Variants in RARB observed in about 807,000 individuals in gnomAD.
RARB encodes the protein retinoic acid receptor beta, also known as HBV-activated protein.
RARB carries 17 observed loss-of-function variants against 51.9 expected under a neutral mutation model. That is an observed-to-expected ratio of 0.33 (90% CI 0.22 to 0.49). The LOEUF (loss-of-function observed/expected upper bound fraction) is 0.49, where lower values mean the gene tolerates loss of function less well. Ranked by LOEUF, RARB falls within the 20% of genes least tolerant of loss-of-function variation. The pLI is 0.99. For synonymous variants in RARB, 215 were observed against 195.4 expected, an observed-to-expected ratio of 1.10 and a Z score of -0.84; for missense variants, 369 against 550.8, an observed-to-expected ratio of 0.67 and a Z score of 3.30.
intron 2 of RARB, among the ~76,000 whole-genome samples, chr3:24,941,719 C>T (rs1013838331): frequency 3.3e-5 from 5 of 152,182 alleles, no homozygotes; most frequent in African/African-American, 1.2e-4. Context: ...AAATTCACTA[C>T]ATTATCTTTG....
At chr3:25,430,818 T>G (rs1010636994) in intron 1 of RARB, among the ~76,000 whole-genome samples, 12 of 152,194 alleles carry the variant, frequency 7.9e-5, no homozygotes, top group Non-Finnish European at 1.8e-4. Flanking sequence ...TAGTTCTTAT[T>G]GTGGTCAGTT....
At chr3:25,271,601 T>G (rs549211094) in intron 5 of RARB, among the ~76,000 whole-genome samples, 1 of 152,322 alleles carries the variant, frequency 6.6e-6, no homozygotes, top group East Asian at 1.9e-4. Context: ...AGTTCCGTCT[T>G]TCCTGCAACA....
At chr3:25,092,541 C>T (rs1345826096) in intron 3 of RARB, among the ~76,000 whole-genome samples, 1 of 152,024 alleles carries the variant, frequency 6.6e-6, no homozygotes, top group Non-Finnish European at 1.5e-5. Context: ...TATACAATAA[C>T]TGTTAACTCC....
At chr3:25,591,607 A>G (rs1204041392) in intron 5 of RARB, among the ~76,000 whole-genome samples, 1 of 152,216 alleles carries the variant, frequency 6.6e-6, no homozygotes, top group Non-Finnish European at 1.5e-5. Flanking sequence ...TAATAGTAAC[A>G]ATTCATGGGT....
At chr3:25,120,514 T>G (rs1699765502) in intron 3 of RARB, among the ~76,000 whole-genome samples, 1 of 145,060 alleles carries the variant, frequency 6.9e-6, no homozygotes, top group Non-Finnish European at 1.5e-5. Context: ...GAAATATAAA[T>G]ATATATATAA....
intron 5 of RARB, among the ~76,000 whole-genome samples, chr3:25,235,360 G>A (rs1257102635): frequency 6.6e-6 from 1 of 152,088 alleles, no homozygotes; most frequent in Non-Finnish European, 1.5e-5. Flanking sequence ...CAGAAGAACA[G>A]ATGCTTCTGG....
intron 2 of RARB, among the ~76,000 whole-genome samples, chr3:24,957,440 G>A (rs1696041252): frequency 6.6e-6 from 1 of 152,204 alleles, no homozygotes; most frequent in South Asian, 2.1e-4. Flanking sequence ...GTCTGTGGAA[G>A]TGGAGAGACG....
intron 3 of RARB, among the ~76,000 whole-genome samples, chr3:25,060,721 A>G (rs1007585870): frequency 6.6e-6 from 1 of 151,906 alleles, no homozygotes; most frequent in Admixed American, 6.6e-5. Context: ...ATGGGAGTAG[A>G]TGGCAGAAAC....
At chr3:25,166,279 C>G (rs1482282424) in intron 4 of RARB, among the ~76,000 whole-genome samples, 3 of 152,070 alleles carry the variant, frequency 2.0e-5, no homozygotes, top group African/African-American at 7.2e-5. Flanking sequence ...ACCAGGCATG[C>G]AAAACTGACT....
intron 5 of RARB, among the ~76,000 whole-genome samples, chr3:25,206,516 A>G (rs1311881042): frequency 6.6e-6 from 1 of 152,114 alleles, no homozygotes; most frequent in African/African-American, 2.4e-5. Flanking sequence ...GTATGTTTTC[A>G]TTTTGAACCT....
intron 2 of RARB, among the ~76,000 whole-genome samples, chr3:24,936,677 T>G (rs1695554753): frequency 1.3e-5 from 2 of 152,254 alleles, no homozygotes; most frequent in Non-Finnish European, 2.9e-5. Context: ...ACATGACATT[T>G]GCTTTTAAAG....
chr3:25,412,753 C>G (rs1309675003), intron 5 of RARB, among the ~76,000 whole-genome samples: 2 of 152,206 alleles, frequency 1.3e-5, no homozygotes, highest in Non-Finnish European at 2.9e-5. Flanking sequence ...GGGGCAGTGG[C>G]TCATGCCTGT....
chr3:25,205,549 A>G (rs1293869407), intron 5 of RARB, among the ~76,000 whole-genome samples: 1 of 152,080 alleles, frequency 6.6e-6, no homozygotes, highest in Non-Finnish European at 1.5e-5. Flanking sequence ...AGCTGTTCGT[A>G]TTCGGCCATC....
In RARB at chr3:25,204,726, G is replaced by A. The variant is rs1185720234; in HGVS notation, c.178+30151G>A. 2.0e-5 allele frequency among the ~76,000 whole-genome samples: 3 copies of A among 152,170 alleles called. No individual in the cohort carries two copies. In the East Asian group the frequency reaches 5.8e-4, roughly 29 times the overall value. On this transcript the variant is annotated intron_variant, in intron 5 of 11. Coordinates refer to the RARB transcript ENST00000383772. The stretch of plus-strand genomic sequence containing the variant: ...GTTTGCCTGGGTATCAGCAGCAGAG[G>A]CTGCAGAACGGTGAATACTGGCAAA...
chr3:25,266,428 A>T (rs954716162), intron 5 of RARB, among the ~76,000 whole-genome samples: 1 of 152,084 alleles, frequency 6.6e-6, no homozygotes, highest in Admixed American at 6.6e-5. Flanking sequence ...TCAATTATTT[A>T]TTGGAGTTTT....
chr3:25,394,564 T>C (rs937019394), intron 5 of RARB, among the ~76,000 whole-genome samples: 1 of 152,162 alleles, frequency 6.6e-6, no homozygotes, highest in African/African-American at 2.4e-5. Context: ...TTAATTGTTT[T>C]ATAAACTTGG....
chr3:25,357,159 C>T (rs1705768036), intron 5 of RARB, among the ~76,000 whole-genome samples: 1 of 152,202 alleles, frequency 6.6e-6, no homozygotes, highest in African/African-American at 2.4e-5. Flanking sequence ...TATTTCTTCA[C>T]ATCCTCTCCA....
At chr3:25,199,468 T>A (rs1701336036) in intron 5 of RARB, among the ~76,000 whole-genome samples, 1 of 152,166 alleles carries the variant, frequency 6.6e-6, no homozygotes, top group Non-Finnish European at 1.5e-5. Flanking sequence ...TTTTTATTAT[T>A]ATACTTTAAG....
intron 2 of RARB, among the ~76,000 whole-genome samples, chr3:24,931,717 T>C (rs559362705): frequency 1.3e-4 from 20 of 152,244 alleles, no homozygotes; most frequent in Non-Finnish European, 2.4e-4. Flanking sequence ...CACACCTGTT[T>C]ATGGCAATTT....
Sources: allele counts gnomAD v4.1 joint callset (sites outside exome capture counted in the v4.1 genomes callset), GRCh38; gene constraint gnomAD v4.1.1; transcripts MANE v1.5; gene names NCBI Gene and HGNC (gene_info 2026-07-23, HGNC 2026-07-21).